The following NASP variants were observed in gnomAD, a reference collection of about 807,000 sequenced individuals.
NASP encodes the protein NASP histone chaperone.
Under a neutral mutation model 89.5 loss-of-function variants are expected in NASP, and 24 were observed. The ratio of observed to expected loss-of-function variants is 0.27; its 90% CI spans 0.19 to 0.38. The LOEUF (loss-of-function observed/expected upper bound fraction) is 0.38, where lower values mean the gene tolerates loss of function less well. Ranked by LOEUF, NASP falls within the 10% of genes least tolerant of loss-of-function variation. The pLI is 1.00. For missense variants in NASP, 848 were observed against 921.4 expected, an observed-to-expected ratio of 0.92 and a Z score of 1.03; for synonymous variants, 306 against 324.7, an observed-to-expected ratio of 0.94 and a Z score of 0.62.
chr1:45,584,880 T>G (rs1644507510), intron 1 of NASP, among the ~76,000 whole-genome samples: 1 of 152,212 alleles, frequency 6.6e-6, no homozygotes, highest in South Asian at 2.1e-4. Flanking sequence ...CGTCTTGTGC[T>G]GGGAGATAGT....
Position 45,615,335 on chromosome 1 carries a change from A to G in NASP, c.1886A>G (p.Glu629Gly). Reference protein sequence around the residue: ...AVLNEQVKEAEGSSAEYKKEI... With the variant: ...AVLNEQVKEAGGSSAEYKKEI... ...CTAAACGAGCAGGTGAAGGAGGCTG[A>G]AGGATCGTCTGCTGAATACAAGAAA... The change falls in exon 11 of 15, where the codon GAA becomes GGA. Residue 629 changes from glutamate to glycine, a missense_variant. Glu to Gly is a moderately conservative substitution (Grantham distance 98). This residue lies in a region of NASP where 218 missense variants were observed against 219.6 expected (regional missense o/e 0.99). Transcript: ENST00000350030. The G allele has an allele frequency of 6.2e-7, 1 of 1,614,210 alleles. No homozygotes were observed. The highest frequency in any genetic ancestry group is 8.5e-7 in the Non-Finnish European group (1 of 1,180,036).
chr1:45,617,357 C>T, intron 13 of NASP, 106 bp from the exon 14 acceptor site: 2 of 1,330,636 alleles, frequency 1.5e-6, no homozygotes, highest in Non-Finnish European at 2.1e-6. Flanking sequence ...AGCTGTGAAT[C>T]CTGATGTTCA....
chr1:45,599,953 ATTTTTTTTT>A (rs11302173), intron 2 of NASP, among the ~76,000 whole-genome samples: 49 of 79,076 alleles, frequency 6.2e-4, no homozygotes, highest in Non-Finnish European at 9.4e-4. Context: ...TTTCCTCTGT[ATTTTTTTTT>A]TTTTTTTTTT....
chr1:45,604,262 C>G (rs1357883798), intron 3 of NASP, among the ~76,000 whole-genome samples: 1 of 152,160 alleles, frequency 6.6e-6, no homozygotes, highest in African/African-American at 2.4e-5. Context: ...AGTACTTTCT[C>G]CTTTTGTTCA....
At chr1:45,587,687 T>TATATATATATATATATATAAAA (rs66829841) in intron 1 of NASP, among the ~76,000 whole-genome samples, 18 of 78,198 alleles carry the variant, frequency 2.3e-4, no homozygotes, top group East Asian at 1.7e-3. Flanking sequence ...TATATATATA[T>TATATATATATATATATATAAAA]AATTAATTTT....
chr1:45,596,264 T>A (rs1052164349), intron 2 of NASP, among the ~76,000 whole-genome samples: 3 of 152,224 alleles, frequency 2.0e-5, no homozygotes, highest in Admixed American at 6.5e-5. Flanking sequence ...AAATTTTCCA[T>A]CTTTTTAAGC....
In NASP at chr1:45,607,629, G is replaced by A; in HGVS notation, c.718G>A (p.Glu240Lys). The part of the protein sequence containing the change: ...GKPEQEVPDA[E>K]EEKSVSGTDV... ...GCCAGAACAGGAAGTACCAGATGCT[G>A]AGGAAGAAAAATCAGTTTCTGGAAC... Residue 240 changes from glutamate (E) to lysine (K), a missense_variant, in exon 6 of 15, where the codon GAG (glutamate) becomes AAG (lysine). Around this residue, in one of 5 missense-constraint regions of NASP, gnomAD observed 464 missense variants for 469.4 expected, o/e 0.99. Transcript: ENST00000350030. 1.2e-6 allele frequency: 2 copies of A among 1,614,166 alleles called. No individual in the cohort carries two copies. Among genetic ancestry groups the A allele is most frequent in the African/African-American group, 1.3e-5 (1 of 75,052 alleles).
chr1:45,586,270 GTGTGTGTGTGTGTGGTGTGTGTGTGT>G (rs1174501158), intron 1 of NASP, among the ~76,000 whole-genome samples: 32 of 62,270 alleles, frequency 5.1e-4, no homozygotes, highest in Admixed American at 2.1e-3. Context: ...GTGTGTGTGT[GTGTGTGTGTGTGTGGTGTGTGTGTGT>G]GTGTGTGTGT....
intron 13 of NASP, 130 bp from the exon 14 acceptor site, chr1:45,617,331 GGA>G: frequency 1.9e-6 from 2 of 1,058,260 alleles, no homozygotes; most frequent in Non-Finnish European, 2.7e-6. Flanking sequence ...CTGTGGCTAG[GGA>G]GAGAGACCCT....
intron 1 of NASP, among the ~76,000 whole-genome samples, chr1:45,587,768 T>C (rs557524523): frequency 6.7e-6 from 1 of 148,654 alleles, no homozygotes; most frequent in East Asian, 2.0e-4. Context: ...CTGCAACTTC[T>C]GCCTCCCCTG....
chr1:45,584,138 AG>A lies in NASP; in HGVS notation c.-5del. ...ATTCCGTTCGCTGGTTCGCCACCTC[AG>A]GGGAACGATGGCCATGGAGTCCACA... On this transcript the variant is annotated 5_prime_UTR_variant, in exon 1 of 15. Coordinates refer to ENST00000350030, the MANE Select transcript of NASP (RefSeq NM_002482.4). 6.3e-7 allele frequency: 1 copy of A among 1,590,160 alleles called. No individual in the cohort carries two copies. Among genetic ancestry groups the A allele is most frequent in the South Asian group, 1.1e-5 (1 of 87,438 alleles).
intron 2 of NASP, among the ~76,000 whole-genome samples, chr1:45,592,037 G>GAGT (rs1442197482): frequency 6.6e-6 from 1 of 152,198 alleles, no homozygotes; most frequent in East Asian, 1.9e-4. Flanking sequence ...GCCCAGGCTG[G>GAGT]AGTGCAGTGG....
intron 2 of NASP, among the ~76,000 whole-genome samples, chr1:45,601,933 T>C (rs1436893531): frequency 1.3e-5 from 2 of 151,924 alleles, no homozygotes; most frequent in Non-Finnish European, 2.9e-5. Flanking sequence ...TTTGTATTTT[T>C]AGTAGAGACG....
chr1:45,591,600 C>T (rs1399697988), intron 2 of NASP, among the ~76,000 whole-genome samples: 2 of 152,120 alleles, frequency 1.3e-5, no homozygotes, highest in Non-Finnish European at 1.5e-5. Flanking sequence ...GCATTCCTCC[C>T]TGCCTAAGCC....
At position 45,602,276 on chromosome 1, in the gene NASP, T is replaced by TAAGCC. The variant is rs772174947; in HGVS notation, c.132_133insCCAAG (p.Lys45ProfsTer7). ...GCAGTCTGGATGTGGATAGTGAAGC[T>TAAGCC]AAGAAACTATTGGGTTTAGGACAGA... On this transcript the variant is annotated frameshift_variant, in exon 3 of 15. Coordinates refer to ENST00000350030, the MANE Select transcript of NASP (RefSeq NM_002482.4). LOFTEE classifies it high-confidence loss of function. 6.2e-7 allele frequency: 1 copy of TAAGCC among 1,613,548 alleles called. No individual in the cohort carries two copies. Among genetic ancestry groups the TAAGCC allele is most frequent in the African/African-American group, 1.3e-5 (1 of 74,916 alleles).
At chr1:45,602,099 C>A (rs1643862131) in intron 2 of NASP, among the ~76,000 whole-genome samples, 156 bp from the exon 3 acceptor site, 1 of 152,072 alleles carries the variant, frequency 6.6e-6, no homozygotes, top group Non-Finnish European at 1.5e-5. Flanking sequence ...TTTAAGATTT[C>A]TTTTGATTTT....
chr1:45,603,672 C>T (rs1244166417), intron 3 of NASP, among the ~76,000 whole-genome samples: 3 of 144,356 alleles, frequency 2.1e-5, no homozygotes, highest in East Asian at 4.1e-4. Context: ...TGCGATGGCG[C>T]GATGTCAGCT....
intron 2 of NASP, 57 bp downstream of exon 2, chr1:45,591,327 A>G (rs1033460482): frequency 1.6e-5 from 18 of 1,130,072 alleles, no homozygotes; most frequent in Middle Eastern, 2.7e-4. Flanking sequence ...TAAGAGCAAT[A>G]TAACTTTAAA....
rs745417428 is a variant in NASP at position 45,616,599 on chromosome 1, A to G, written c.2080-27A>G. 3.1e-6 allele frequency: 5 copies of G among 1,606,384 alleles called. No homozygotes were observed. In the Admixed American group the frequency reaches 5.0e-5, roughly 16 times the overall value. On this transcript the variant is annotated intron_variant, in intron 12 of 14. Transcript: ENST00000350030. ...GCATTGATCTCATATAGCTTGTACA[A>G]TTGCTAATAAGGGCTTATTTTGCCA...
Sources: gnomAD v4.1 joint callset for allele counts (sites outside exome capture counted in the v4.1 genomes callset) on GRCh38, gnomAD v4.1.1 for gene constraint, gnomAD v4.1.1 regional missense constraint, MANE v1.5 for transcripts, NCBI Gene and HGNC (gene_info 2026-07-23, HGNC 2026-07-21) for gene names.